Variants in GPR162 observed in about 807,000 individuals in gnomAD.
GPR162 encodes G protein-coupled receptor 162, also known as probable G protein-coupled receptor 162.
A neutral mutation model predicts 44.9 loss-of-function variants in GPR162; 26 were observed. The ratio of observed to expected loss-of-function variants is 0.58; its 90% CI spans 0.42 to 0.80. The LOEUF is 0.80. GPR162 is among the 30% of genes least tolerant of loss of function. GPR162 has a pLI of 0.00. For synonymous variants in GPR162, 363 were observed against 335.2 expected (o/e 1.08, Z -0.91); for missense variants, 704 against 802.3 (o/e 0.88, Z 1.48).
chr12:6,825,745 C>A, intron 3 of GPR162, 72 bp downstream of exon 3: 1 of 1,358,674 alleles, frequency 7.4e-7, no homozygotes, highest in Non-Finnish European at 1.0e-6. Context: ...CCTTCTCAGC[C>A]AGAGGATGGG....
Position 6,824,520 on chromosome 12 carries a change from G to A in GPR162, c.622G>A (p.Ala208Thr). 6.2e-7 allele frequency: 1 copy of A among 1,610,780 alleles called. No individual in the cohort carries two copies. The highest frequency in any genetic ancestry group is 8.5e-7 in the Non-Finnish European group (1 of 1,177,994). ...VAITFYQTLW[A>T]RPRRARQARR... is the part of the protein sequence containing the mutation. ...CATCACCTTCTACCAGACACTGTGG[G>A]CCCGGCCCCGGAGGGCTCGGCAGGC... Residue 208 changes from alanine to threonine, a missense_variant, in exon 2 of 5, where the codon GCC (alanine) becomes ACC (threonine). This residue lies in a region of GPR162 where 12 missense variants were observed against 46.6 expected (regional missense o/e 0.26). Coordinates refer to ENST00000311268, the MANE Select transcript of GPR162 (RefSeq NM_019858.2).
rs782639670 is a variant in GPR162, at chr12:6,823,909, G to A, written c.11G>A (p.Gly4Asp). The A allele has an allele frequency of 5.8e-6, 9 of 1,560,996 alleles. No individual in the cohort carries two copies. The highest frequency in any genetic ancestry group is 7.8e-6 in the Non-Finnish European group (9 of 1,151,388). Reference sequence around the variant, plus strand: ...GGGGCTGAGGATAGGATGGCTCGGGGCGGGGCGGGGGCAGAGGAGGCCTCC... The same window carrying A: ...GGGGCTGAGGATAGGATGGCTCGGGACGGGGCGGGGGCAGAGGAGGCCTCC... MARGGAGAEEASLR... is the reference protein window; with the variant it reads MARDGAGAEEASLR... The change falls in exon 2 of 5, where the codon GGC (glycine) becomes GAC (aspartate). Residue 4 changes from glycine to aspartate, a missense_variant. This residue lies in a region of GPR162 where 30 missense variants were observed against 31.8 expected (regional missense o/e 0.94). Coordinates refer to ENST00000311268, the MANE Select transcript of GPR162 (RefSeq NM_019858.2).
At position 6,826,301 on chromosome 12, in the gene GPR162, T is replaced by C; in HGVS notation, c.1163T>C (p.Leu388Pro). The C allele has an allele frequency of 6.2e-7, 1 of 1,613,940 alleles. No individual in the cohort carries two copies. The highest frequency in any genetic ancestry group is 8.5e-7 in the Non-Finnish European group (1 of 1,179,996). The change falls in exon 4 of 5, where the codon CTG (leucine) becomes CCG (proline). Residue 388 changes from leucine to proline, a missense_variant. Around this residue, in one of 6 missense-constraint regions of GPR162, gnomAD observed 404 missense variants for 314.1 expected, o/e 1.29. Transcript: ENST00000311268. ...CGGGACCCCGCCCAGGTGAAGCTGCTGCCTGGAAGGCACATGCTCTTCCCT... is the reference window on the plus strand; with the variant it reads ...CGGGACCCCGCCCAGGTGAAGCTGCCGCCTGGAAGGCACATGCTCTTCCCT... ...GSRDPAQVKLLPGRHMLFPPL... is the reference protein window; with the variant it reads ...GSRDPAQVKLPPGRHMLFPPL...
At position 6,826,855 on chromosome 12, in the gene GPR162, G is replaced by A. The variant is rs782258380; in HGVS notation, c.1418G>A (p.Gly473Asp). The A allele has an allele frequency of 8.7e-6, 14 of 1,612,770 alleles. No individual in the cohort carries two copies. Among genetic ancestry groups the A allele is most frequent in the African/African-American group, 1.3e-5 (1 of 75,012 alleles). The stretch of plus-strand genomic sequence containing the variant: ...GAGGAGGACGAGGAAGAGGCTGAAG[G>A]TGGGGGGCTGGCCAGCCTTCGCCAA... ...EDEEDEEEAE[G>D]GGLASLRQFL... The change falls in exon 5 of 5, where the codon GGT becomes GAT. Residue 473 changes from glycine to aspartate, a missense_variant. Transcript: ENST00000311268.
At position 6,823,460 on chromosome 12, in the gene GPR162, C is replaced by G. The variant is rs1004124925; in HGVS notation, c.-431-8C>G. On this transcript the variant is annotated splice_polypyrimidine_tract_variant and splice_region_variant and intron_variant, in intron 1 of 4. Coordinates refer to ENST00000311268, the MANE Select transcript of GPR162 (RefSeq NM_019858.2). ...CTCTCCCTCCCACATCTCATCTTTC[C>G]CTTGCAGCCTGTCCAGGGGGCTGAG... 22 of 413,094 alleles carry G rather than the reference C, an allele frequency of 5.3e-5. No homozygotes were observed. Among genetic ancestry groups the G allele is most frequent in the Non-Finnish European group, 8.2e-5 (19 of 231,660 alleles). 25.6% of individuals were successfully genotyped at this position (413,094 alleles called of 1,614,324 possible).
At position 6,827,220 on chromosome 12, in the gene GPR162, C is replaced by T. The variant is rs1304393964; in HGVS notation, c.*16C>T. ...GACCCTGTGAGCCCAAGCAGGCCTG[C>T]TGAACTCAGAGGAGAAAGCCTGAGT... On this transcript the variant is annotated 3_prime_UTR_variant, in exon 5 of 5. Transcript: ENST00000311268. 18 of 1,576,506 alleles carry T rather than the reference C, an allele frequency of 1.1e-5. No individual in the cohort carries two copies. The highest frequency in any genetic ancestry group is 1.7e-4 in the Middle Eastern group (1 of 5,732).
intron 2 of GPR162, chr12:6,824,974 A>G (rs1230208169): frequency 1.4e-6 from 1 of 699,736 alleles, no homozygotes; most frequent in Admixed American, 2.0e-5. Context: ...TGTTTACCCC[A>G]GCTCCAGCAT....
At chr12:6,824,950 A>G (rs997716546) in intron 2 of GPR162, 185 bp downstream of exon 2, 3 of 706,918 alleles carry the variant, frequency 4.2e-6, no homozygotes, top group Non-Finnish European at 7.7e-6. Context: ...TCTGTCTTTT[A>G]GTTCCCACTA....
Position 6,827,040 on chromosome 12 carries a change from CCCCGCCGACTCT to C in GPR162, c.1607_1618del (p.Arg536_Ser539del), listed in dbSNP as rs782243584. 3.1e-6 allele frequency: 5 copies of C among 1,613,412 alleles called. No individual in the cohort carries two copies. The highest frequency in any genetic ancestry group is 4.2e-6 in the Non-Finnish European group (5 of 1,180,044). On this transcript the variant is annotated inframe_deletion, in exon 5 of 5. Transcript: ENST00000311268. ...TCGGCCCCGGCCACTGGGCCTCTCA[CCCCGCCGACTCT>C]CCCTTGGGTCCCCTGAGAGCAGAGC... is the stretch of plus-strand genomic sequence containing the variant.
intron 3 of GPR162, 106 bp from the exon 4 acceptor site, chr12:6,826,090 A>C: frequency 2.4e-6 from 2 of 819,180 alleles, no homozygotes; most frequent in South Asian, 3.2e-5. Flanking sequence ...TGGAACATAC[A>C]TGCTAATGGG....
Position 6,823,915 on chromosome 12 carries a change from CG to C in GPR162, c.22del (p.Ala8GlnfsTer48). On this transcript the variant is annotated frameshift_variant, in exon 2 of 5. Coordinates refer to ENST00000311268, the MANE Select transcript of GPR162 (RefSeq NM_019858.2). LOFTEE classifies it high-confidence loss of function. Reference protein sequence around the residue: MARGGAGAEEASLRSN... With the variant: MARGGXGAEEASLRSN... The stretch of plus-strand genomic sequence containing the variant: ...GAGGATAGGATGGCTCGGGGCGGGG[CG>C]GGGGCAGAGGAGGCCTCCCTGCGCT... The C allele has an allele frequency of 6.4e-7, 1 of 1,557,648 alleles. No homozygotes were observed. The highest frequency in any genetic ancestry group is 8.7e-7 in the Non-Finnish European group (1 of 1,149,356).
Position 6,827,010 on chromosome 12 carries a change from C to G in GPR162, c.1573C>G (p.Pro525Ala), listed in dbSNP as rs141933631. ...PSPTASPGHS[P>A]RRPRPLGLSP... ...TCCGACTGCCTCACCAGGGCACTCTCCTCGTCGGCCCCGGCCACTGGGCCT... is the reference window on the plus strand; with the variant it reads ...TCCGACTGCCTCACCAGGGCACTCTGCTCGTCGGCCCCGGCCACTGGGCCT... Residue 525 changes from proline to alanine, a missense_variant, in exon 5 of 5, where the codon CCT becomes GCT. Pro to Ala is a conservative substitution (Grantham distance 27). Coordinates refer to ENST00000311268, the MANE Select transcript of GPR162 (RefSeq NM_019858.2). 27 of 1,613,234 alleles carry G rather than the reference C, an allele frequency of 1.7e-5. No homozygotes were observed. The African/African-American group carries it at 2.8e-4, about 17-fold the overall frequency.
At position 6,826,839 on chromosome 12, in the gene GPR162, G is replaced by A. The variant is rs149007947; in HGVS notation, c.1402G>A (p.Glu468Lys). The change falls in exon 5 of 5, where the codon GAG becomes AAG. Residue 468 changes from glutamate to lysine, a missense_variant. Physicochemically the swap from Glu to Lys is moderately conservative, Grantham distance 56. Coordinates refer to ENST00000311268, the MANE Select transcript of GPR162 (RefSeq NM_019858.2). ...QRHRLEDEED[E>K]EEAEGGGLAS... The stretch of plus-strand genomic sequence containing the variant: ...ACACAGGTTGGAGGACGAGGAGGAC[G>A]AGGAAGAGGCTGAAGGTGGGGGGCT... The A allele has an allele frequency of 4.8e-5, 78 of 1,611,402 alleles. 1 individual carries two copies. The highest frequency in any genetic ancestry group is 1.7e-4 in the Middle Eastern group (1 of 6,048).
intron 4 of GPR162, 78 bp downstream of exon 4, chr12:6,826,431 C>G (rs1437070115): frequency 2.9e-6 from 4 of 1,364,596 alleles, no homozygotes; most frequent in Non-Finnish European, 3.0e-6. Flanking sequence ...GCACCCCAAT[C>G]CCCTCTTCCC....
chr12:6,823,749 A>G lies in GPR162; in HGVS notation c.-150A>G. On this transcript the variant is annotated 5_prime_UTR_variant, in exon 2 of 5. It removes an upstream start codon present in the reference 5' UTR. Coordinates refer to ENST00000311268, the MANE Select transcript of GPR162 (RefSeq NM_019858.2). ...TGCCCTCAGCTGGGTCCATCATGCA[A>G]TGCTGAGCACTGGGGTGAGCCTGGG... 1 of 1,613,100 alleles carries G rather than the reference A, an allele frequency of 6.2e-7. No homozygotes were observed. The highest frequency in any genetic ancestry group is 8.5e-7 in the Non-Finnish European group (1 of 1,179,402).
Position 6,823,708 on chromosome 12 carries a change from C to G in GPR162, c.-191C>G. On this transcript the variant is annotated 5_prime_UTR_variant, in exon 2 of 5. Transcript: ENST00000311268. Reference sequence around the variant, plus strand: ...GCCTCTGCTGACCCTCAGTCTCCTCCCCTGCCCTCTACATCTGCCCTCAGC... The same window carrying G: ...GCCTCTGCTGACCCTCAGTCTCCTCGCCTGCCCTCTACATCTGCCCTCAGC... 1 of 1,580,620 alleles carries G rather than the reference C, an allele frequency of 6.3e-7. No individual in the cohort carries two copies. Among genetic ancestry groups the G allele is most frequent in the Non-Finnish European group, 8.7e-7 (1 of 1,152,386 alleles).
chr12:6,826,344 C>G lies in GPR162; in HGVS notation c.1206C>G (p.His402Gln). ...HMLFPPLERV[H>Q]YLQVPLSRRL... is the part of the protein sequence containing the mutation. ...TCTTCCCTCCTCTTGAGAGAGTCCACTACTTACAGGTATGGAACTGGGGGA... is the reference window on the plus strand; with the variant it reads ...TCTTCCCTCCTCTTGAGAGAGTCCAGTACTTACAGGTATGGAACTGGGGGA... The change falls in exon 4 of 5, where the codon CAC becomes CAG. Residue 402 changes from histidine (H) to glutamine (Q), a missense_variant. Transcript: ENST00000311268. 1 of 1,612,642 alleles carries G rather than the reference C, an allele frequency of 6.2e-7. No individual in the cohort carries two copies. The highest frequency in any genetic ancestry group is 8.5e-7 in the Non-Finnish European group (1 of 1,179,496).
Position 6,823,925 on chromosome 12 carries a change from G to T in GPR162, c.27G>T (p.Glu9Asp). ...TGGCTCGGGGCGGGGCGGGGGCAGA[G>T]GAGGCCTCCCTGCGCTCCAACGCAT... is the stretch of plus-strand genomic sequence containing the variant. MARGGAGA[E>D]EASLRSNALS... Residue 9 changes from glutamate to aspartate, a missense_variant, in exon 2 of 5, where the codon GAG (glutamate) becomes GAT (aspartate). Physicochemically the swap from Glu to Asp is conservative, Grantham distance 45 (BLOSUM62 2). This residue lies in a region of GPR162 where 30 missense variants were observed against 31.8 expected (regional missense o/e 0.94). Transcript: ENST00000311268. The T allele has an allele frequency of 6.4e-7, 1 of 1,564,502 alleles. No homozygotes were observed. The highest frequency in any genetic ancestry group is 8.7e-7 in the Non-Finnish European group (1 of 1,154,164).
intron 4 of GPR162, 103 bp from the exon 5 acceptor site, chr12:6,826,550 T>TG (rs1943358917): frequency 7.5e-6 from 9 of 1,202,904 alleles, no homozygotes; most frequent in Non-Finnish European, 1.0e-5. Context: ...GCAAACGTTT[T>TG]GAAGGTTAAG....
Sources: gnomAD v4.1 joint callset for allele counts on GRCh38, gnomAD v4.1.1 for gene constraint, gnomAD v4.1.1 regional missense constraint, MANE v1.5 for transcripts, NCBI Gene and HGNC (gene_info 2026-07-23, HGNC 2026-07-21) for gene names.